Variants in FAM47C observed in about 807,000 individuals in gnomAD.
The protein encoded by FAM47C is family with sequence similarity 47 member C.
For synonymous variants in FAM47C, 307 were observed against 346.5 expected (o/e 0.89, Z 1.27); for missense variants, 847 against 879.9 (o/e 0.96, Z 0.47).
rs781897948 is a variant in FAM47C at position 37,009,238 on chromosome X, G to C, written c.828G>C (p.Gly276=). ...CCCATCTCTACCTGGAGCCTCCTGG[G>C]ACTGGAGTGTCTCATCTCTGCCCAG... is the stretch of plus-strand genomic sequence containing the variant. The part of the protein sequence containing the change: ...GVSHLYLEPP[G]TGVSHLCPEP... The change falls in exon 1 of 1, where the codon GGG becomes GGC. Residue 276 remains glycine, a synonymous_variant. Coordinates refer to ENST00000358047, the MANE Select transcript of FAM47C (RefSeq NM_001013736.3). The C allele has an allele frequency of 8.3e-7, 1 of 1,210,551 alleles. No individual in the cohort carries two copies. The highest frequency in any genetic ancestry group is 2.2e-5 in the Admixed American group (1 of 45,966).
rs782358582 is a variant in FAM47C at position 37,008,655 on chromosome X, C to T, written c.245C>T (p.Ser82Phe). The T allele has an allele frequency of 2.1e-5, 26 of 1,212,027 alleles. No homozygotes were observed. The highest frequency in any genetic ancestry group is 2.9e-5 in the Non-Finnish European group (26 of 895,561). Residue 82 changes from serine (S) to phenylalanine (F), a missense_variant, in exon 1 of 1, where the codon TCT becomes TTT. Coordinates refer to ENST00000358047, the MANE Select transcript of FAM47C (RefSeq NM_001013736.3). Reference protein sequence around the residue: ...RRDEFLLPKISLRGPQADPKS... With the variant: ...RRDEFLLPKIFLRGPQADPKS... ...GACGAGTTTTTACTCCCCAAAATAT[C>T]TCTCAGAGGTCCCCAAGCTGACCCC...
chrX:37,010,918 G>A lies in FAM47C; in HGVS notation c.2508G>A (p.Met836Ile), dbSNP rs1556333244. ...ELFQEGTSST[M>I]ECVSDSLQRR... Reference sequence around the variant, plus strand: ...TTCAGGAAGGTACATCAAGCACAATGGAGTGTGTTTCTGACTCTCTTCAAC... The same window carrying A: ...TTCAGGAAGGTACATCAAGCACAATAGAGTGTGTTTCTGACTCTCTTCAAC... The change falls in exon 1 of 1, where the codon ATG becomes ATA. Residue 836 changes from methionine (M) to isoleucine (I), a missense_variant. Physicochemically the swap from Met to Ile is conservative, Grantham distance 10 (BLOSUM62 1). Transcript: ENST00000358047. 2 of 1,212,169 alleles carry A rather than the reference G, an allele frequency of 1.6e-6. No individual in the cohort carries two copies. Among genetic ancestry groups the A allele is most frequent in the Admixed American group, 2.2e-5 (1 of 46,093 alleles).
At position 37,011,169 on chromosome X, in the gene FAM47C, G is replaced by A; in HGVS notation, c.2759G>A (p.Gly920Glu). ...KFFSQEKDLDGKIQNAPNSHS... is the reference protein window; with the variant it reads ...KFFSQEKDLDEKIQNAPNSHS... Reference sequence around the variant, plus strand: ...TTCTCACAGGAAAAAGACTTGGACGGGAAAATCCAGAATGCACCAAATTCT... The same window carrying A: ...TTCTCACAGGAAAAAGACTTGGACGAGAAAATCCAGAATGCACCAAATTCT... Residue 920 changes from glycine to glutamate, a missense_variant, in exon 1 of 1, where the codon GGG becomes GAG. By Grantham distance (98) the Gly-to-Glu change is moderately conservative (BLOSUM62 -2). Coordinates refer to ENST00000358047, the MANE Select transcript of FAM47C (RefSeq NM_001013736.3). 1 of 1,210,561 alleles carries A rather than the reference G, an allele frequency of 8.3e-7. No individual in the cohort carries two copies. The highest frequency in any genetic ancestry group is 1.1e-6 in the Non-Finnish European group (1 of 894,943).
rs148160398 is a variant in FAM47C, at chrX:37,010,086, G to A, written c.1676G>A (p.Arg559His). 3.6e-5 allele frequency: 43 copies of A among 1,185,669 alleles called. No individual in the cohort carries two copies. The highest frequency in any genetic ancestry group is 2.2e-4 in the African/African-American group (11 of 50,136). The stretch of plus-strand genomic sequence containing the variant: ...CCTGAGACTGGAGTGTCCCATCTCC[G>A]CCCAGAGCCTCCCAAGACTCGGATG... ...EPPETGVSHL[R>H]PEPPKTRMYS... Residue 559 changes from arginine (R) to histidine (H), a missense_variant, in exon 1 of 1, where the codon CGC (arginine) becomes CAC (histidine). Physicochemically the swap from Arg to His is conservative, Grantham distance 29 (BLOSUM62 0). Coordinates refer to ENST00000358047, the MANE Select transcript of FAM47C (RefSeq NM_001013736.3).
In FAM47C at chrX:37,010,732, C is replaced by T. The variant is rs782692646; in HGVS notation, c.2322C>T (p.Leu774=). 46 of 1,208,104 alleles carry T rather than the reference C, an allele frequency of 3.8e-5. No homozygotes were observed. Among genetic ancestry groups the T allele is most frequent in the Non-Finnish European group, 4.9e-5 (44 of 894,687 alleles). The change falls in exon 1 of 1, where the codon CTC becomes CTT. Residue 774 remains leucine, a synonymous_variant. Coordinates refer to ENST00000358047, the MANE Select transcript of FAM47C (RefSeq NM_001013736.3). ...CTCCTGAGACTGGAGTGTCCCATCTCCACCCAGAGCTTCCCAAGCCTCGGG... is the reference window on the plus strand; with the variant it reads ...CTCCTGAGACTGGAGTGTCCCATCTTCACCCAGAGCTTCCCAAGCCTCGGG... ...PEPPETGVSH[L]HPELPKPRVS...
chrX:37,009,233 C>G lies in FAM47C; in HGVS notation c.823C>G (p.Pro275Ala). 1 of 1,210,753 alleles carries G rather than the reference C, an allele frequency of 8.3e-7. No individual in the cohort carries two copies. Among genetic ancestry groups the G allele is most frequent in the Non-Finnish European group, 1.1e-6 (1 of 895,184 alleles). Reference protein sequence around the residue: ...TGVSHLYLEPPGTGVSHLCPE... With the variant: ...TGVSHLYLEPAGTGVSHLCPE... ...AGTGTCCCATCTCTACCTGGAGCCT[C>G]CTGGGACTGGAGTGTCTCATCTCTG... Residue 275 changes from proline (P) to alanine (A), a missense_variant, in exon 1 of 1, where the codon CCT (proline) becomes GCT (alanine). Coordinates refer to ENST00000358047, the MANE Select transcript of FAM47C (RefSeq NM_001013736.3).
chrX:37,008,750 C>G lies in FAM47C; in HGVS notation c.340C>G (p.Arg114Gly), dbSNP rs189160727. 1.5e-4 allele frequency: 187 copies of G among 1,210,165 alleles called. 2 individuals carry two copies. The Admixed American group carries it at 3.9e-3, about 25-fold the overall frequency. Reference sequence around the variant, plus strand: ...CAAGCTCTCGCCAGCACAGCCAGCACGGAAGGCGTTCGTAGAGGAAGTGGA... The same window carrying G: ...CAAGCTCTCGCCAGCACAGCCAGCAGGGAAGGCGTTCGTAGAGGAAGTGGA... ...FSKLSPAQPA[R>G]KAFVEEVEAQ... Residue 114 changes from arginine to glycine, a missense_variant, in exon 1 of 1, where the codon CGG (arginine) becomes GGG (glycine). Physicochemically the swap from Arg to Gly is moderately radical, Grantham distance 125. Transcript: ENST00000358047.
chrX:37,009,807 C>T lies in FAM47C; in HGVS notation c.1397C>T (p.Pro466Leu). 8.3e-7 allele frequency: 1 copy of T among 1,206,549 alleles called. No individual in the cohort carries two copies. Among genetic ancestry groups the T allele is most frequent in the East Asian group, 3.0e-5 (1 of 33,613 alleles). The change falls in exon 1 of 1, where the codon CCT (proline) becomes CTT (leucine). Residue 466 changes from proline (P) to leucine (L), a missense_variant. Coordinates refer to ENST00000358047, the MANE Select transcript of FAM47C (RefSeq NM_001013736.3). ...CGGGTGTCCAGTCTCCACCTGGAGC[C>T]TCCTGAGACTGGAGTGTCCCATCTC... ...KTRVSSLHLE[P>L]PETGVSHLCP... is the part of the protein sequence containing the mutation.
Position 37,008,712 on chromosome X carries a change from C to A in FAM47C, c.302C>A (p.Ala101Glu), listed in dbSNP as rs1927669243. Residue 101 changes from alanine (A) to glutamate (E), a missense_variant, in exon 1 of 1, where the codon GCG (alanine) becomes GAG (glutamate). Transcript: ENST00000358047. ...KSRKKKLLKK[A>E]ALFSKLSPAQ... is the part of the protein sequence containing the mutation. ...AGGAAGAAAAAGCTGCTCAAGAAAGCGGCCCTGTTTTCCAAGCTCTCGCCA... is the reference window on the plus strand; with the variant it reads ...AGGAAGAAAAAGCTGCTCAAGAAAGAGGCCCTGTTTTCCAAGCTCTCGCCA... 1.7e-6 allele frequency: 2 copies of A among 1,212,022 alleles called. No homozygotes were observed. Among genetic ancestry groups the A allele is most frequent in the Non-Finnish European group, 2.2e-6 (2 of 895,563 alleles).
In FAM47C at chrX:37,009,216, A is replaced by G. The variant is rs782739206; in HGVS notation, c.806A>G (p.His269Arg). The G allele has an allele frequency of 4.1e-6, 5 of 1,206,877 alleles. No individual in the cohort carries two copies. In the East Asian group the frequency reaches 8.9e-5, roughly 22 times the overall value. Reference protein sequence around the residue: ...HLEPPETGVSHLYLEPPGTGV... With the variant: ...HLEPPETGVSRLYLEPPGTGV... ...GAGCCTCCCGAGACTGGAGTGTCCC[A>G]TCTCTACCTGGAGCCTCCTGGGACT... The change falls in exon 1 of 1, where the codon CAT becomes CGT. Residue 269 changes from histidine (H) to arginine (R), a missense_variant. Physicochemically the swap from His to Arg is conservative, Grantham distance 29 (BLOSUM62 0). Transcript: ENST00000358047.
In FAM47C at chrX:37,010,511, C is replaced by T; in HGVS notation, c.2101C>T (p.Arg701Cys). The stretch of plus-strand genomic sequence containing the variant: ...AGAGCCTCCTGAGACTGGAGTGTCC[C>T]GTCTCCACCCAGAGCCTCCCAAGAC... ...RPEPPETGVS[R>C]LHPEPPKTRV... The change falls in exon 1 of 1, where the codon CGT becomes TGT. Residue 701 changes from arginine to cysteine, a missense_variant. Coordinates refer to ENST00000358047, the MANE Select transcript of FAM47C (RefSeq NM_001013736.3). The T allele has an allele frequency of 3.3e-6, 4 of 1,207,466 alleles. No individual in the cohort carries two copies.
chrX:37,011,587 A>G lies in FAM47C; in HGVS notation c.*69A>G, dbSNP rs782519604. On this transcript the variant is annotated 3_prime_UTR_variant, in exon 1 of 1. Coordinates refer to ENST00000358047, the MANE Select transcript of FAM47C (RefSeq NM_001013736.3). ...TTTTAAACATCAGTCAGAATTTATG[A>G]TGACTGGCCCCAGGAATGTACAACG... is the stretch of plus-strand genomic sequence containing the variant. 3.9e-5 allele frequency: 37 copies of G among 958,456 alleles called. No homozygotes were observed. In the African/African-American group the frequency reaches 6.2e-4, roughly 16 times the overall value. 79.0% of individuals were successfully genotyped at this position (958,456 alleles called of 1,213,427 possible). A position where few individuals can be genotyped will look rare whatever the true frequency, so the allele number is the denominator to read the frequency against.
chrX:37,008,483 C>T lies in FAM47C; in HGVS notation c.73C>T (p.Pro25Ser). ...CTCCACGCCCTGGTACTGTGACAAA[C>T]CGCCTTCCAAGTACTTCGCGAAGCG... ...MDSTPWYCDK[P>S]PSKYFAKRKH... is the part of the protein sequence containing the mutation. Residue 25 changes from proline to serine, a missense_variant, in exon 1 of 1, where the codon CCG becomes TCG. Coordinates refer to ENST00000358047, the MANE Select transcript of FAM47C (RefSeq NM_001013736.3). 1 of 1,212,458 alleles carries T rather than the reference C, an allele frequency of 8.2e-7. No individual in the cohort carries two copies. Among genetic ancestry groups the T allele is most frequent in the African/African-American group, 1.7e-5 (1 of 58,078 alleles).
rs61730908 is a variant in FAM47C, at chrX:37,009,761, C to T, written c.1351C>T (p.Arg451Cys). 1.1e-3 allele frequency: 1,265 copies of T among 1,199,137 alleles called. 1 individual carries two copies. Among genetic ancestry groups the T allele is most frequent in the Non-Finnish European group, 1.3e-3 (1,186 of 890,960 alleles). The part of the protein sequence containing the change: ...EPPETGVSHL[R>C]PEPPKTRVSS... Reference sequence around the variant, plus strand: ...TCCTGAGACTGGAGTGTCCCATCTCCGCCCAGAGCCTCCCAAGACTCGGGT... The same window carrying T: ...TCCTGAGACTGGAGTGTCCCATCTCTGCCCAGAGCCTCCCAAGACTCGGGT... The change falls in exon 1 of 1, where the codon CGC becomes TGC. Residue 451 changes from arginine to cysteine, a missense_variant. By Grantham distance (180) the Arg-to-Cys change is radical. Transcript: ENST00000358047.
rs1472337426 is a variant in FAM47C, at chrX:37,010,332, G to A, written c.1922G>A (p.Ser641Asn). Residue 641 changes from serine to asparagine, a missense_variant, in exon 1 of 1, where the codon AGT (serine) becomes AAT (asparagine). Transcript: ENST00000358047. ...GAGCCTCCCAAGACTCGGATGTACA[G>A]TCTCCGCCCGGAGCCTCCCAATACT... ...RPEPPKTRMY[S>N]LRPEPPNTGV... 2.6e-6 allele frequency: 3 copies of A among 1,158,398 alleles called. No homozygotes were observed. The highest frequency in any genetic ancestry group is 5.0e-5 in the African/African-American group (2 of 39,781).
Position 37,009,686 on chromosome X carries a change from C to A in FAM47C, c.1276C>A (p.Leu426Ile). 1 of 1,210,559 alleles carries A rather than the reference C, an allele frequency of 8.3e-7. No homozygotes were observed. The highest frequency in any genetic ancestry group is 1.1e-6 in the Non-Finnish European group (1 of 895,097). The change falls in exon 1 of 1, where the codon CTC becomes ATC. Residue 426 changes from leucine to isoleucine, a missense_variant. Coordinates refer to ENST00000358047, the MANE Select transcript of FAM47C (RefSeq NM_001013736.3). ...SEPPKIGVSHLCLEPPKTRGS... is the reference protein window; with the variant it reads ...SEPPKIGVSHICLEPPKTRGS... Reference sequence around the variant, plus strand: ...GCCTCCCAAGATTGGAGTGTCCCATCTCTGCCTGGAGCCTCCCAAGACTCG... The same window carrying A: ...GCCTCCCAAGATTGGAGTGTCCCATATCTGCCTGGAGCCTCCCAAGACTCG...
chrX:37,010,795 A>T lies in FAM47C; in HGVS notation c.2385A>T (p.Arg795=), dbSNP rs369069861. The T allele has an allele frequency of 2.5e-6, 3 of 1,206,772 alleles. No individual in the cohort carries two copies. The highest frequency in any genetic ancestry group is 3.4e-6 in the Non-Finnish European group (3 of 894,039). The change falls in exon 1 of 1, where the codon CGA becomes CGT. Residue 795 remains arginine (R), a synonymous_variant. Coordinates refer to ENST00000358047, the MANE Select transcript of FAM47C (RefSeq NM_001013736.3). ...SLHLEPPKTR[R]VSSLRLEPPK... The stretch of plus-strand genomic sequence containing the variant: ...ACCTGGAGCCTCCCAAGACTCGTCG[A>T]GTGTCCAGTCTCCGCCTGGAGCCTC...
In FAM47C at chrX:37,010,017, A is replaced by C. The variant is rs1385465145; in HGVS notation, c.1607A>C (p.Gln536Pro). 3.5e-6 allele frequency: 4 copies of C among 1,134,813 alleles called. No individual in the cohort carries two copies. The highest frequency in any genetic ancestry group is 5.3e-5 in the Admixed American group (2 of 37,539). The allele number at this position is 1,134,813 out of a possible 1,213,427, so 93.5% of individuals were successfully genotyped here. The change falls in exon 1 of 1, where the codon CAG becomes CCG. Residue 536 changes from glutamine to proline, a missense_variant. Coordinates refer to ENST00000358047, the MANE Select transcript of FAM47C (RefSeq NM_001013736.3). ...AAGATTCTGGTGTCCAGTCTCCACCAGGCACCTCCTGAGAGTAGCGTATCT... is the reference window on the plus strand; with the variant it reads ...AAGATTCTGGTGTCCAGTCTCCACCCGGCACCTCCTGAGAGTAGCGTATCT... The part of the protein sequence containing the change: ...PPKILVSSLH[Q>P]APPESSVSHL...
Position 37,009,779 on chromosome X carries a change from A to T in FAM47C, c.1369A>T (p.Thr457Ser), listed in dbSNP as rs1171506649. 1.7e-6 allele frequency: 2 copies of T among 1,199,678 alleles called. No homozygotes were observed. Among genetic ancestry groups the T allele is most frequent in the Non-Finnish European group, 2.2e-6 (2 of 891,714 alleles). Residue 457 changes from threonine (T) to serine (S), a missense_variant, in exon 1 of 1, where the codon ACT becomes TCT. By Grantham distance (58) the Thr-to-Ser change is moderately conservative. Coordinates refer to ENST00000358047, the MANE Select transcript of FAM47C (RefSeq NM_001013736.3). ...CCATCTCCGCCCAGAGCCTCCCAAG[A>T]CTCGGGTGTCCAGTCTCCACCTGGA... is the stretch of plus-strand genomic sequence containing the variant. ...VSHLRPEPPK[T>S]RVSSLHLEPP...
Sources: allele counts gnomAD v4.1 joint callset, GRCh38; gene constraint gnomAD v4.1.1; transcripts MANE v1.5; gene names NCBI Gene and HGNC (gene_info 2026-07-23, HGNC 2026-07-21).